CYP39A1: variants seen among roughly 807,000 people sequenced by gnomAD.
CYP39A1 encodes the protein 24-hydroxycholesterol 7-alpha-hydroxylase.
CYP39A1 carries 49 observed loss-of-function variants against 58.1 expected under a neutral mutation model. The observed-to-expected ratio is 0.84, with a 90% CI of 0.67 to 1.07. The LOEUF is 1.07. CYP39A1 is among the 50% of genes least tolerant of loss of function. The pLI, the probability that CYP39A1 is intolerant of heterozygous loss-of-function variation, is 0.00. For missense variants in CYP39A1, 531 were observed against 539.4 expected, an observed-to-expected ratio of 0.98 and a Z score of 0.16; for synonymous variants, 209 against 187.6, an observed-to-expected ratio of 1.11 and a Z score of -0.93.
chr6:46,646,047 A>C (rs182657281), intron 1 of CYP39A1, among the ~76,000 whole-genome samples: 1 of 152,204 alleles, frequency 6.6e-6, no homozygotes. Flanking sequence ...TACATAGACA[A>C]TCATGTAATC....
chr6:46,597,916 G>A (rs1443134976), intron 7 of CYP39A1, among the ~76,000 whole-genome samples: 2 of 152,104 alleles, frequency 1.3e-5, no homozygotes, highest in African/African-American at 4.8e-5. Flanking sequence ...ATATTAAAAG[G>A]AGATAAGCAC....
chr6:46,610,261 T>C (rs1774132243), intron 7 of CYP39A1, among the ~76,000 whole-genome samples: 1 of 152,230 alleles, frequency 6.6e-6, no homozygotes, highest in African/African-American at 2.4e-5. Context: ...GTGTACTCTT[T>C]TGTTATAGCA....
At position 46,639,590 on chromosome 6, in the gene CYP39A1, T is replaced by C. The variant is rs1375586539; in HGVS notation, c.392A>G (p.Asn131Ser). 6.2e-7 allele frequency: 1 copy of C among 1,613,980 alleles called. No individual in the cohort carries two copies. Among genetic ancestry groups the C allele is most frequent in the African/African-American group, 1.3e-5 (1 of 75,056 alleles). Residue 131 changes from asparagine to serine, a missense_variant, in exon 3 of 12, where the codon AAT becomes AGT. Physicochemically the swap from Asn to Ser is conservative, Grantham distance 46. Coordinates refer to ENST00000275016, the MANE Select transcript of CYP39A1 (RefSeq NM_016593.5). ...IMLKGKMGTVNLHQFTGQLTE... is the reference protein window; with the variant it reads ...IMLKGKMGTVSLHQFTGQLTE... ...CAGTTGCCCAGTAAACTGATGGAGA[T>C]TGACAGTCCCCATTTTCCCTTTCAA...
chr6:46,587,336 G>A (rs1661214825), intron 9 of CYP39A1, among the ~76,000 whole-genome samples, 171 bp from the exon 10 acceptor site: 1 of 152,056 alleles, frequency 6.6e-6, no homozygotes, highest in African/African-American at 2.4e-5. Flanking sequence ...TGTGTTTCTG[G>A]AACATGAACT....
At chr6:46,651,301 C>A (rs1582482634) in intron 1 of CYP39A1, among the ~76,000 whole-genome samples, 1 of 152,234 alleles carries the variant, frequency 6.6e-6, no homozygotes, top group East Asian at 1.9e-4. Context: ...ACCTATAAAC[C>A]CAACTATTGA....
chr6:46,645,024 T>C lies in CYP39A1; in HGVS notation c.178-2726A>G, dbSNP rs1000817568. 2.6e-5 allele frequency among the ~76,000 whole-genome samples: 4 copies of C among 152,300 alleles called. 1 individual carries two copies. Among genetic ancestry groups the C allele is most frequent in the Non-Finnish European group, 1.5e-5 (1 of 68,022 alleles). On this transcript the variant is annotated intron_variant, in intron 1 of 11. Transcript: ENST00000275016. Reference sequence around the variant, plus strand: ...TGTTGAGTGTTGACAGTTCTTTATATATTCTAGATACTAGTCCTTTGTTGG... The same window carrying C: ...TGTTGAGTGTTGACAGTTCTTTATACATTCTAGATACTAGTCCTTTGTTGG...
chr6:46,589,276 G>A (rs1663590689), intron 8 of CYP39A1, among the ~76,000 whole-genome samples: 1 of 151,954 alleles, frequency 6.6e-6, no homozygotes, highest in African/African-American at 2.4e-5. Flanking sequence ...AACATAGGAA[G>A]ACCTTGTCTC....
rs556775973 is a variant in CYP39A1 at position 46,573,318 on chromosome 6, T to C, written c.1250+13759A>G. ...ATTTGTGGGGAAATACTTTCATTTG[T>C]GGGTGAGTGCTATGCTAAGTGAACA... On this transcript the variant is annotated intron_variant, in intron 10 of 11. Coordinates refer to ENST00000275016, the MANE Select transcript of CYP39A1 (RefSeq NM_016593.5). Among the ~76,000 whole-genome samples, 12 of 152,196 alleles carry C rather than the reference T, an allele frequency of 7.9e-5. No homozygotes were observed. The South Asian group carries it at 2.3e-3, about 29-fold the overall frequency.
At chr6:46,642,792 C>T (rs1006963595) in intron 1 of CYP39A1, among the ~76,000 whole-genome samples, 1 of 152,158 alleles carries the variant, frequency 6.6e-6, no homozygotes, top group African/African-American at 2.4e-5. Context: ...ATTATTTCAC[C>T]TGTACAACCT....
intron 11 of CYP39A1, 51 bp from the exon 12 acceptor site, chr6:46,550,488 G>A: frequency 6.6e-7 from 1 of 1,509,946 alleles, no homozygotes; most frequent in South Asian, 1.2e-5. Context: ...TAAGTCCACA[G>A]TTTCAGACCT....
intron 10 of CYP39A1, among the ~76,000 whole-genome samples, chr6:46,560,083 A>C (rs542370051): frequency 2.6e-5 from 4 of 152,306 alleles, no homozygotes; most frequent in Admixed American, 6.5e-5. Flanking sequence ...ATGAGGTGAC[A>C]TTTTATCAGA....
chr6:46,597,780 GAAATTGGA>G (rs911807473), intron 7 of CYP39A1, among the ~76,000 whole-genome samples: 14 of 152,246 alleles, frequency 9.2e-5, no homozygotes, highest in South Asian at 4.1e-4. Flanking sequence ...GGAGGCTAGA[GAAATTGGA>G]AACTTCCTGT....
chr6:46,606,010 G>A (rs1773820483), intron 7 of CYP39A1, among the ~76,000 whole-genome samples: 1 of 152,174 alleles, frequency 6.6e-6, no homozygotes. Context: ...TTTGAAATCA[G>A]ATCTGTGAAA....
chr6:46,580,220 C>T (rs1196111424), intron 10 of CYP39A1, among the ~76,000 whole-genome samples: 3 of 151,996 alleles, frequency 2.0e-5, no homozygotes, highest in South Asian at 2.1e-4. Context: ...AACATCAGAT[C>T]GGATAAGTAA....
At chr6:46,557,950 A>G (rs986813141) in intron 10 of CYP39A1, among the ~76,000 whole-genome samples, 45 of 150,368 alleles carry the variant, frequency 3.0e-4, no homozygotes, top group African/African-American at 7.5e-4. Flanking sequence ...AAAAAAAAAA[A>G]AAAAGAAAAA....
In CYP39A1 at chr6:46,638,979, C is replaced by T. The variant is rs537695481; in HGVS notation, c.488+515G>A. Reference sequence around the variant, plus strand: ...CTTGGGATCTCCCTTAATAGAGGACCCTGGGGCTCAGTCCTGAGGCCCACA... The same window carrying T: ...CTTGGGATCTCCCTTAATAGAGGACTCTGGGGCTCAGTCCTGAGGCCCACA... On this transcript the variant is annotated intron_variant, in intron 3 of 11. Coordinates refer to ENST00000275016, the MANE Select transcript of CYP39A1 (RefSeq NM_016593.5). 1.1e-4 allele frequency among the ~76,000 whole-genome samples: 16 copies of T among 152,258 alleles called. No homozygotes were observed. In the East Asian group the frequency reaches 2.9e-3, roughly 28 times the overall value.
chr6:46,612,007 C>A (rs1774245875), intron 7 of CYP39A1, among the ~76,000 whole-genome samples: 1 of 152,080 alleles, frequency 6.6e-6, no homozygotes, highest in African/African-American at 2.4e-5. Context: ...ACAAATAAAG[C>A]AGATCAACAG....
chr6:46,625,781 G>A (rs958587255), intron 6 of CYP39A1, among the ~76,000 whole-genome samples: 1 of 151,884 alleles, frequency 6.6e-6, no homozygotes. Flanking sequence ...CACTAAAAAT[G>A]AGAAAAGTTG....
chr6:46,578,386 A>G (rs1771951756), intron 10 of CYP39A1, among the ~76,000 whole-genome samples: 1 of 151,976 alleles, frequency 6.6e-6, no homozygotes, highest in Non-Finnish European at 1.5e-5. Flanking sequence ...GCACAAACCA[A>G]CCCCAAAGCT....
Sources: allele counts gnomAD v4.1 joint callset (sites outside exome capture counted in the v4.1 genomes callset), GRCh38; gene constraint gnomAD v4.1.1; transcripts MANE v1.5; gene names NCBI Gene and HGNC (gene_info 2026-07-23, HGNC 2026-07-21).